SH3BP5: variants seen among roughly 807,000 people sequenced by gnomAD.
SH3BP5 encodes SH3 domain-binding protein 5.
In SH3BP5, 22 loss-of-function variants were observed where a neutral mutation model predicts 43.3. The ratio of observed to expected loss-of-function variants is 0.51; its 90% CI spans 0.36 to 0.73. SH3BP5 has a LOEUF of 0.73. Among genes scored for constraint, SH3BP5 ranks in the 30% least tolerant of loss-of-function variants. SH3BP5 has a pLI of 0.00. For missense variants in SH3BP5, 529 were observed against 586.9 expected, an observed-to-expected ratio of 0.90 and a Z score of 1.02; for synonymous variants, 255 against 225.8, an observed-to-expected ratio of 1.13 and a Z score of -1.16.
At chr3:15,281,611 C>T (rs918923633) in intron 3 of SH3BP5, among the ~76,000 whole-genome samples, 2 of 152,150 alleles carry the variant, frequency 1.3e-5, no homozygotes, top group African/African-American at 4.8e-5. Flanking sequence ...ACCCACTCCT[C>T]CAGTAACTGC....
At chr3:15,299,622 G>A (rs76866898) in intron 3 of SH3BP5, among the ~76,000 whole-genome samples, 1,737 of 150,552 alleles carry the variant, frequency 0.012, 17 homozygotes, top group South Asian at 0.025. Context: ...GCCTCCTAAG[G>A]GCTAGGACCA....
At chr3:15,332,823 C>T (rs79079879), upstream of SH3BP5, among the ~76,000 whole-genome samples, 1 of 152,048 alleles carries the variant, frequency 6.6e-6, no homozygotes, top group African/African-American at 2.4e-5. Flanking sequence ...TTTCGGGAGT[C>T]CCCTCCTCCA....
chr3:15,277,969 G>A (rs1273046948), intron 3 of SH3BP5, among the ~76,000 whole-genome samples: 1 of 152,226 alleles, frequency 6.6e-6, no homozygotes, highest in Non-Finnish European at 1.5e-5. Flanking sequence ...TGCGTGAGGT[G>A]AGCAGTGACC....
intron 3 of SH3BP5, among the ~76,000 whole-genome samples, chr3:15,303,534 G>T (rs1697810129): frequency 6.6e-6 from 1 of 152,108 alleles, no homozygotes; most frequent in African/African-American, 2.4e-5. Context: ...GCAATCGCCT[G>T]ATCACAGTCC....
chr3:15,259,371 G>A (rs1696346502), intron 6 of SH3BP5: 1 of 518,450 alleles, frequency 1.9e-6, no homozygotes, highest in African/African-American at 1.9e-5. Context: ...CCAGTACAGT[G>A]GTTCTCAAAG....
chr3:15,297,506 C>G (rs943224311), intron 3 of SH3BP5, among the ~76,000 whole-genome samples: 25 of 152,162 alleles, frequency 1.6e-4, no homozygotes, highest in African/African-American at 5.6e-4. Context: ...TTTACATGTA[C>G]TAATTCAATC....
chr3:15,270,852 A>G lies in SH3BP5; in HGVS notation c.331-975T>C, dbSNP rs569056080. On this transcript the variant is annotated intron_variant, in intron 3 of 8. Transcript: ENST00000383791. ...GAGGCAGAAGAATCACTTGAACTCA[A>G]GAGGCAGAGGCTGCAGTGAGCCGAG... 3.3e-5 allele frequency among the ~76,000 whole-genome samples: 5 copies of G among 151,058 alleles called. No homozygotes were observed. The South Asian group carries it at 1.0e-3, about 32-fold the overall frequency.
upstream of SH3BP5, among the ~76,000 whole-genome samples, chr3:15,337,120 C>T (rs373570937): frequency 3.8e-5 from 5 of 133,242 alleles, no homozygotes; most frequent in Admixed American, 2.5e-4. Flanking sequence ...GACAGAGTCG[C>T]GCTATGTCAC....
intron 5 of SH3BP5, among the ~76,000 whole-genome samples, chr3:15,261,695 T>C (rs960107229): frequency 8.1e-6 from 1 of 123,404 alleles, no homozygotes. Flanking sequence ...TGAGAAGAGA[T>C]TGGAGAAAAA....
intron 2 of SH3BP5, among the ~76,000 whole-genome samples, chr3:15,326,431 G>A (rs1351723569): frequency 6.6e-6 from 1 of 152,170 alleles, no homozygotes; most frequent in Non-Finnish European, 1.5e-5. Flanking sequence ...ACCAATTCAG[G>A]TTCATCAGAC....
In SH3BP5 at chr3:15,332,403, G is replaced by C. The variant is rs1254116379; in HGVS notation, c.6C>G (p.Asp2Glu). The C allele has an allele frequency of 1.3e-6, 2 of 1,534,396 alleles. No individual in the cohort carries two copies. The highest frequency in any genetic ancestry group is 2.0e-5 in the Admixed American group (1 of 50,834). M[D>E]AALKRSRSEE... Reference sequence around the variant, plus strand: ...CCGAGCGGCTCCGCTTCAGTGCCGCGTCCATGCAGGCAGCCGGCACGCGCG... The same window carrying C: ...CCGAGCGGCTCCGCTTCAGTGCCGCCTCCATGCAGGCAGCCGGCACGCGCG... Residue 2 changes from aspartate to glutamate, a missense_variant, in exon 1 of 9, where the codon GAC becomes GAG. This residue lies in a region of SH3BP5 where 75 missense variants were observed against 61.8 expected (regional missense o/e 1.21). Transcript: ENST00000383791.
chr3:15,282,427 T>G (rs1389592892), intron 3 of SH3BP5, among the ~76,000 whole-genome samples: 1 of 152,184 alleles, frequency 6.6e-6, no homozygotes, highest in East Asian at 1.9e-4. Flanking sequence ...TAAAAAAGTT[T>G]ACAAAATTGC....
chr3:15,332,335 T>A lies in SH3BP5; in HGVS notation c.74A>T (p.Glu25Val), dbSNP rs1172620358. The A allele has an allele frequency of 6.5e-7, 1 of 1,544,082 alleles. No individual in the cohort carries two copies. Among genetic ancestry groups the A allele is most frequent in the Non-Finnish European group, 8.7e-7 (1 of 1,148,634 alleles). ...EILPPARDEE[E>V]EEEEGMEQGL... ...CTGCTCCATCCCCTCTTCCTCCTCCTCCTCCTCGTCCCGGGCAGGCGGCAG... is the reference window on the plus strand; with the variant it reads ...CTGCTCCATCCCCTCTTCCTCCTCCACCTCCTCGTCCCGGGCAGGCGGCAG... Residue 25 changes from glutamate (E) to valine (V), a missense_variant, in exon 1 of 9, where the codon GAG becomes GTG. Glu to Val is a moderately radical substitution (Grantham distance 121, BLOSUM62 -2). Transcript: ENST00000383791.
At chr3:15,339,091 A>G (rs1439715215) in intron 1 of SH3BP5, among the ~76,000 whole-genome samples, 1 of 152,116 alleles carries the variant, frequency 6.6e-6, no homozygotes, top group Non-Finnish European at 1.5e-5. Context: ...TTAACCCCAA[A>G]TGACTGGTTC....
upstream of SH3BP5, among the ~76,000 whole-genome samples, chr3:15,335,997 G>A (rs1033784636): frequency 6.6e-6 from 1 of 152,138 alleles, no homozygotes; most frequent in African/African-American, 2.4e-5. Flanking sequence ...GGTCAGGTAT[G>A]GTGGCTTATG....
intron 3 of SH3BP5, among the ~76,000 whole-genome samples, chr3:15,287,058 C>T (rs1697285252): frequency 6.6e-6 from 1 of 152,214 alleles, no homozygotes; most frequent in African/African-American, 2.4e-5. Context: ...TACTTTCTTA[C>T]TTCTCTGTGC....
rs555487654 is a variant in SH3BP5, at chr3:15,288,966, T to C, written c.330+15137A>G. On this transcript the variant is annotated intron_variant, in intron 3 of 8. Transcript: ENST00000383791. ...GGGAAAGGAGGTTTTCCATACAACA[T>C]AAAGGGAGGGAAGTGATGTAGCAGA... Among the ~76,000 whole-genome samples the C allele has an allele frequency of 3.3e-5, 5 of 152,198 alleles. 1 individual carries two copies. The highest frequency in any genetic ancestry group is 1.2e-4 in the African/African-American group (5 of 41,516).
chr3:15,332,540 A>T lies in SH3BP5; in HGVS notation c.-132T>A, dbSNP rs1559463816. On this transcript the variant is annotated 5_prime_UTR_variant, in exon 1 of 9. Transcript: ENST00000383791. Reference sequence around the variant, plus strand: ...GGAGCCGCCGGGGCCGACACCCGGGAGACGCAGCTCGCCGATGCGGATACC... The same window carrying T: ...GGAGCCGCCGGGGCCGACACCCGGGTGACGCAGCTCGCCGATGCGGATACC... 3.2e-6 allele frequency: 4 copies of T among 1,243,200 alleles called. No homozygotes were observed. Among genetic ancestry groups the T allele is most frequent in the Non-Finnish European group, 4.0e-6 (4 of 996,322 alleles). 77.0% of individuals were successfully genotyped at this position (1,243,200 alleles called of 1,614,324 possible).
At chr3:15,256,333 A>C in intron 8 of SH3BP5, 30 bp from the exon 9 acceptor site, 1 of 1,596,808 alleles carries the variant, frequency 6.3e-7, no homozygotes, top group Non-Finnish European at 8.6e-7. Context: ...ATCAAAAGTG[A>C]GTATTGACAA....
Sources: allele counts gnomAD v4.1 joint callset (sites outside exome capture counted in the v4.1 genomes callset), GRCh38; gene constraint gnomAD v4.1.1; regional missense constraint gnomAD v4.1.1; transcripts MANE v1.5; gene names NCBI Gene and HGNC (gene_info 2026-07-23, HGNC 2026-07-21).